The following CRELD2 variants were observed in gnomAD, a reference collection of about 807,000 sequenced individuals.
CRELD2 encodes the protein CRELD disulfide isomerase 2, also known as protein disulfide isomerase CRELD2.
A neutral mutation model predicts 48.1 loss-of-function variants in CRELD2; 33 were observed. The observed-to-expected ratio is 0.69, with a 90% CI of 0.52 to 0.92. The LOEUF (loss-of-function observed/expected upper bound fraction) is 0.92, where lower values mean the gene tolerates loss of function less well. Among genes scored for constraint, CRELD2 ranks in the 40% least tolerant of loss-of-function variants. The pLI, the probability that CRELD2 is intolerant of heterozygous loss-of-function variation, is 0.00. For synonymous variants in CRELD2, 220 were observed against 203.9 expected, an observed-to-expected ratio of 1.08 and a Z score of -0.67; for missense variants, 477 against 482.4, an observed-to-expected ratio of 0.99 and a Z score of 0.10.
Position 49,927,507 on chromosome 22 carries a change from T to C in CRELD2, c.*200T>C, listed in dbSNP as rs896009935. On this transcript the variant is annotated 3_prime_UTR_variant, in exon 10 of 10. Coordinates refer to ENST00000328268, the MANE Select transcript of CRELD2 (RefSeq NM_024324.5). ...TATATTTTGATACAGTTCTTTGTAA[T>C]AAAATTGACCATTGTAGGTAATCAG... 4 of 586,828 alleles carry C rather than the reference T, an allele frequency of 6.8e-6. No individual in the cohort carries two copies. In the Middle Eastern group the frequency reaches 1.2e-3, roughly 175 times the overall value. The allele number at this position is 586,828 out of a possible 1,614,324, so 36.4% of individuals were successfully genotyped here. A position where few individuals can be genotyped will look rare whatever the true frequency, so the allele number is the denominator to read the frequency against.
intron 5 of CRELD2, chr22:49,922,397 C>A (rs369272028): frequency 6.2e-7 from 1 of 1,609,746 alleles, no homozygotes; most frequent in Non-Finnish European, 8.5e-7. Flanking sequence ...ACACGCACAC[C>A]CAGCCAGGCT....
Position 49,922,606 on chromosome 22 carries a change from T to C in CRELD2, c.593-6T>C, listed in dbSNP as rs1195520367. ...GTTTGTACCCAGGCCCGCCTTTGCC[T>C]TCCAGCCTGTGACGAGTCCTGCAAG... On this transcript the variant is annotated splice_polypyrimidine_tract_variant and splice_region_variant and intron_variant, in intron 5 of 9. Coordinates refer to ENST00000328268, the MANE Select transcript of CRELD2 (RefSeq NM_024324.5). 3 of 1,542,420 alleles carry C rather than the reference T, an allele frequency of 1.9e-6. No individual in the cohort carries two copies. The Admixed American group carries it at 5.8e-5, about 30-fold the overall frequency.
intron 9 of CRELD2, among the ~76,000 whole-genome samples, chr22:49,926,921 C>T (rs1454792097): frequency 1.4e-5 from 1 of 69,886 alleles, no homozygotes; most frequent in Non-Finnish European, 2.9e-5. Context: ...CCCTCTTTCT[C>T]CTACCTCCCC....
rs2060642980 is a variant in CRELD2 at position 49,918,878 on chromosome 22, C to T, written c.109C>T (p.Leu37=). Reference sequence around the variant, plus strand: ...GACGCCCTGCCACCGGTGCCGGGGGCTGGTGGACAAGTTTAACCAGGTGGG... The same window carrying T: ...GACGCCCTGCCACCGGTGCCGGGGGTTGGTGGACAAGTTTAACCAGGTGGG... ...KPTPCHRCRG[L]VDKFNQGMVD... Residue 37 remains leucine, a synonymous_variant, in exon 1 of 10, where the codon CTG becomes TTG. Coordinates refer to ENST00000328268, the MANE Select transcript of CRELD2 (RefSeq NM_024324.5). 2 of 1,298,696 alleles carry T rather than the reference C, an allele frequency of 1.5e-6. No homozygotes were observed. Among genetic ancestry groups the T allele is most frequent in the Non-Finnish European group, 2.0e-6 (2 of 1,025,172 alleles). 80.4% of individuals were successfully genotyped at this position (1,298,696 alleles called of 1,614,324 possible).
rs2060637994 is a variant in CRELD2, at chr22:49,918,660, C to T, written c.-110C>T. ...GGGCCTCGCCGGCGCCGTCAAGTAG[C>T]CTGGGGGACAGGCCGGCGCGGCTGG... On this transcript the variant is annotated 5_prime_UTR_variant, in exon 1 of 10. Transcript: ENST00000328268. The T allele has an allele frequency of 2.6e-6, 1 of 382,776 alleles. No homozygotes were observed. Among genetic ancestry groups the T allele is most frequent in the Non-Finnish European group, 4.5e-6 (1 of 223,866 alleles). The allele number at this position is 382,776 out of a possible 1,614,324, so 23.7% of individuals were successfully genotyped here. A position where few individuals can be genotyped will look rare whatever the true frequency, so the allele number is the denominator to read the frequency against.
intron 5 of CRELD2, 167 bp downstream of exon 5, chr22:49,921,928 G>A: frequency 1.4e-6 from 1 of 703,552 alleles, no homozygotes; most frequent in Non-Finnish European, 2.3e-6. Context: ...GAGGATAGAG[G>A]CAGAGGTTGT....
chr22:49,923,105 G>A, intron 6 of CRELD2, 129 bp from the exon 7 acceptor site: 1 of 681,626 alleles, frequency 1.5e-6, no homozygotes, highest in Non-Finnish European at 2.4e-6. Context: ...TTCCTCCTCA[G>A]GGGCTGCCCT....
intron 5 of CRELD2, chr22:49,922,065 G>A (rs1034889862): frequency 9.8e-6 from 6 of 613,346 alleles, no homozygotes; most frequent in Non-Finnish European, 1.4e-5. Flanking sequence ...GAGGTGCCGT[G>A]TGGGCCCCGC....
At chr22:49,919,082 C>T in intron 1 of CRELD2, 148 bp from the exon 2 acceptor site, 1 of 914,134 alleles carries the variant, frequency 1.1e-6, no homozygotes, top group Non-Finnish European at 1.7e-6. Context: ...TGGAGTCCCC[C>T]TCACCCTTGA....
Position 49,927,399 on chromosome 22 carries a change from G to T in CRELD2, c.*92G>T. 1 of 1,007,402 alleles carries T rather than the reference G, an allele frequency of 9.9e-7. No homozygotes were observed. Among genetic ancestry groups the T allele is most frequent in the Non-Finnish European group, 1.6e-6 (1 of 631,016 alleles). 62.4% of individuals were successfully genotyped at this position (1,007,402 alleles called of 1,614,324 possible). On this transcript the variant is annotated 3_prime_UTR_variant, in exon 10 of 10. Coordinates refer to ENST00000328268, the MANE Select transcript of CRELD2 (RefSeq NM_024324.5). Reference sequence around the variant, plus strand: ...CGTCTCCTGCAGTGGACAGCGGCGGGGAGAGGCTGCCTGCTCTCTAACGGT... The same window carrying T: ...CGTCTCCTGCAGTGGACAGCGGCGGTGAGAGGCTGCCTGCTCTCTAACGGT...
intron 8 of CRELD2, 26 bp from the exon 9 acceptor site, chr22:49,925,391 A>G (rs1405269880): frequency 6.9e-7 from 1 of 1,450,098 alleles, no homozygotes; most frequent in African/African-American, 1.4e-5. Flanking sequence ...CAAAGTAATT[A>G]TTAAAACGGA....
In CRELD2 at chr22:49,927,368, G is replaced by A. The variant is rs1346037625; in HGVS notation, c.*61G>A. On this transcript the variant is annotated 3_prime_UTR_variant, in exon 10 of 10. Transcript: ENST00000328268. Reference sequence around the variant, plus strand: ...TGTCCCGTGGAAAATGTGGCCCTGAGGATGCCGTCTCCTGCAGTGGACAGC... The same window carrying A: ...TGTCCCGTGGAAAATGTGGCCCTGAAGATGCCGTCTCCTGCAGTGGACAGC... The A allele has an allele frequency of 3.5e-6, 5 of 1,433,366 alleles. No homozygotes were observed. The highest frequency in any genetic ancestry group is 4.9e-6 in the Non-Finnish European group (5 of 1,017,076). The allele number at this position is 1,433,366 out of a possible 1,614,324, so 88.8% of individuals were successfully genotyped here.
intron 4 of CRELD2, among the ~76,000 whole-genome samples, chr22:49,921,101 G>A (rs907303188): frequency 1.3e-5 from 2 of 152,060 alleles, no homozygotes; most frequent in Non-Finnish European, 2.9e-5. Flanking sequence ...TGGTGCAGCC[G>A]CTCTGCACCT....
At chr22:49,921,540 G>C in intron 4 of CRELD2, 45 bp from the exon 5 acceptor site, 1 of 1,584,822 alleles carries the variant, frequency 6.3e-7, no homozygotes, top group Non-Finnish European at 8.6e-7. Flanking sequence ...CACCGCACCG[G>C]TCACCACCAG....
chr22:49,927,479 T>C lies in CRELD2; in HGVS notation c.*172T>C. 1 of 622,588 alleles carries C rather than the reference T, an allele frequency of 1.6e-6. No individual in the cohort carries two copies. The highest frequency in any genetic ancestry group is 2.9e-6 in the Non-Finnish European group (1 of 342,368). 38.6% of individuals were successfully genotyped at this position (622,588 alleles called of 1,614,324 possible). ...ATTTCTTGGTTGTTCTTAAACAGAC[T>C]TGTATATTTTGATACAGTTCTTTGT... On this transcript the variant is annotated 3_prime_UTR_variant, in exon 10 of 10. Coordinates refer to ENST00000328268, the MANE Select transcript of CRELD2 (RefSeq NM_024324.5).
Position 49,921,570 on chromosome 22 carries a change from T to C in CRELD2, c.416-15T>C. The C allele has an allele frequency of 6.2e-7, 1 of 1,609,586 alleles. No individual in the cohort carries two copies. The highest frequency in any genetic ancestry group is 8.5e-7 in the Non-Finnish European group (1 of 1,177,824). ...CACCAGGTGTGCTCTGAGCATGGTT[T>C]TGTGTCCCCTAAAGCATGCCAGGGC... is the stretch of plus-strand genomic sequence containing the variant. On this transcript the variant is annotated splice_polypyrimidine_tract_variant and intron_variant, in intron 4 of 9. Coordinates refer to ENST00000328268, the MANE Select transcript of CRELD2 (RefSeq NM_024324.5).
At position 49,923,308 on chromosome 22, in the gene CRELD2, A is replaced by G. The variant is rs760466044; in HGVS notation, c.763A>G (p.Thr255Ala). ...CTGTAAGAACGCCAACGGCTCCTAC[A>G]CGTGCGAAGGTGGGCCAGGCGGGCG... ...QFCKNANGSY[T>A]CEECDSSCVG... is the part of the protein sequence containing the mutation. Residue 255 changes from threonine (T) to alanine (A), a missense_variant, in exon 7 of 10, where the codon ACG (threonine) becomes GCG (alanine). Physicochemically the swap from Thr to Ala is moderately conservative, Grantham distance 58. Coordinates refer to ENST00000328268, the MANE Select transcript of CRELD2 (RefSeq NM_024324.5). 1.6e-5 allele frequency: 26 copies of G among 1,611,386 alleles called. No individual in the cohort carries two copies. The South Asian group carries it at 2.0e-4, about 12-fold the overall frequency.
chr22:49,923,599 G>C, intron 7 of CRELD2: 1 of 545,380 alleles, frequency 1.8e-6, no homozygotes, highest in Non-Finnish European at 3.3e-6. Flanking sequence ...CGTGCCCTGC[G>C]TGACTTTCCG....
rs144080180 is a variant in CRELD2 at position 49,923,259 on chromosome 22, G to A, written c.714G>A (p.Pro238=). Residue 238 remains proline (P), a synonymous_variant, in exon 7 of 10, where the codon CCG becomes CCA. Coordinates refer to ENST00000328268, the MANE Select transcript of CRELD2 (RefSeq NM_024324.5). ...ATGTGGACGAGTGTGCGGCCGAGCC[G>A]CCTCCCTGCAGCGCTGCGCAGTTCT... The part of the protein sequence containing the change: ...CVDVDECAAE[P]PPCSAAQFCK... The A allele has an allele frequency of 1.2e-4, 199 of 1,596,468 alleles. 1 individual carries two copies. The African/African-American group carries it at 2.0e-3, about 16-fold the overall frequency.
Sources: allele counts gnomAD v4.1 joint callset (sites outside exome capture counted in the v4.1 genomes callset), GRCh38; gene constraint gnomAD v4.1.1; transcripts MANE v1.5; gene names NCBI Gene and HGNC (gene_info 2026-07-23, HGNC 2026-07-21).